ACSM1: variants seen among roughly 807,000 people sequenced by gnomAD.
ACSM1 encodes acyl-coenzyme A synthetase ACSM1, mitochondrial.
ACSM1 carries 79 observed loss-of-function variants against 75.8 expected under a neutral mutation model. The ratio of observed to expected loss-of-function variants is 1.04; its 90% CI spans 0.87 to 1.26. The LOEUF is 1.26. Ranked by LOEUF, ACSM1 falls within the 50% of genes most tolerant of loss-of-function variation. ACSM1 has a pLI of 0.00. For missense variants in ACSM1, 676 were observed against 720.1 expected (o/e 0.94, Z 0.70); for synonymous variants, 279 against 265.8 (o/e 1.05, Z -0.48).
chr16:20,687,271 G>A (rs1326583296), intron 2 of ACSM1, among the ~76,000 whole-genome samples: 1 of 152,064 alleles, frequency 6.6e-6, no homozygotes, highest in Non-Finnish European at 1.5e-5. Context: ...AGGCACGTAG[G>A]GGAAAGAGAA....
At position 20,627,871 on chromosome 16, in the gene ACSM1, T is replaced by TACATATATAC. The variant is rs1403635638; in HGVS notation, c.1300-556_1300-555insGTATATATGT. On this transcript the variant is annotated intron_variant, in intron 10 of 13. Coordinates refer to ENST00000520010, the MANE Select transcript of ACSM1 (RefSeq NM_001318890.3). ...CTCTCTCTCTCTCTGTATGTATACA[T>TACATATATAC]ATATATATATATATATATATATATA... 4.9e-3 allele frequency among the ~76,000 whole-genome samples: 54 copies of TACATATATAC among 11,004 alleles called. 1 individual carries two copies. The highest frequency in any genetic ancestry group is 5.9e-3 in the African/African-American group (33 of 5,600). The allele number at this position is 11,004 out of a possible 152,430, so 7.2% of individuals were successfully genotyped here.
chr16:20,641,484 G>T (rs1380417828), intron 7 of ACSM1, among the ~76,000 whole-genome samples: 2 of 152,152 alleles, frequency 1.3e-5, no homozygotes, highest in African/African-American at 2.4e-5. Context: ...TAGATTGATT[G>T]TATTCCCATT....
intron 2 of ACSM1, among the ~76,000 whole-genome samples, chr16:20,690,043 C>T (rs111266656): frequency 2.0e-5 from 3 of 152,334 alleles, no homozygotes; most frequent in African/African-American, 7.2e-5. Context: ...CATAACAATG[C>T]TCTCTGTAAC....
At chr16:20,634,547 A>G (rs2017539237) in intron 10 of ACSM1, among the ~76,000 whole-genome samples, 1 of 152,272 alleles carries the variant, frequency 6.6e-6, no homozygotes, top group Non-Finnish European at 1.5e-5. Context: ...ATGCTAAGAC[A>G]TAGATGAACC....
At chr16:20,678,107 C>T (rs1236831605) in intron 4 of ACSM1, among the ~76,000 whole-genome samples, 1 of 152,080 alleles carries the variant, frequency 6.6e-6, no homozygotes, top group African/African-American at 2.4e-5. Flanking sequence ...TATGCCTCTC[C>T]TCCCAGAGAT....
intron 11 of ACSM1, among the ~76,000 whole-genome samples, chr16:20,626,492 C>A (rs1404031931): frequency 6.6e-6 from 1 of 152,114 alleles, no homozygotes; most frequent in Non-Finnish European, 1.5e-5. Flanking sequence ...CAGAGCCAGA[C>A]TACCTCAGTT....
chr16:20,627,223 G>A lies in ACSM1; in HGVS notation c.1393C>T (p.Leu465=), dbSNP rs375443537. 2.0e-5 allele frequency: 31 copies of A among 1,575,360 alleles called. No homozygotes were observed. The African/African-American group carries it at 4.3e-4, about 22-fold the overall frequency. Residue 465 remains leucine, a synonymous_variant, in exon 11 of 14, where the codon CTG becomes TTG. Transcript: ENST00000520010. The part of the protein sequence containing the change: ...KMDEEGYICF[L]GRSDDIINAS... ...TTAATGATGTCATCACTCCTCCCCAGGAAACAAATGTAGCCCTCTTCATCC... is the reference window on the plus strand; with the variant it reads ...TTAATGATGTCATCACTCCTCCCCAAGAAACAAATGTAGCCCTCTTCATCC...
chr16:20,625,345 G>T, intron 12 of ACSM1, 78 bp downstream of exon 12: 1 of 1,429,644 alleles, frequency 7.0e-7, no homozygotes, highest in Non-Finnish European at 9.7e-7. Flanking sequence ...GGCTGCACAG[G>T]TAAAGCCTGG....
chr16:20,669,477 CA>C (rs1567291943), intron 6 of ACSM1, among the ~76,000 whole-genome samples: 31 of 151,310 alleles, frequency 2.0e-4, no homozygotes, highest in African/African-American at 7.5e-4. Flanking sequence ...CACACACACA[CA>C]CACACCCCAG....
chr16:20,654,171 A>G (rs1439733949), intron 7 of ACSM1, among the ~76,000 whole-genome samples: 1 of 152,244 alleles, frequency 6.6e-6, no homozygotes, highest in Non-Finnish European at 1.5e-5. Flanking sequence ...TCCCTGTTTA[A>G]TAAATGGCTC....
Position 20,636,809 on chromosome 16 carries a change from G to A in ACSM1, c.1229C>T (p.Pro410Leu), listed in dbSNP as rs781249020. Residue 410 changes from proline (P) to leucine (L), a missense_variant, in exon 10 of 14, where the codon CCT becomes CTT. Physicochemically the swap from Pro to Leu is moderately conservative, Grantham distance 98. Transcript: ENST00000520010. The stretch of plus-strand genomic sequence containing the variant: ...GATGCCAATGTTTCCTTCTGTGTTA[G>A]GTGGCAGGATGCTGCCCTTGTCATC... ...VIDDKGSILP[P>L]NTEGNIGIRI... 1.2e-6 allele frequency: 2 copies of A among 1,614,024 alleles called. No individual in the cohort carries two copies. Among genetic ancestry groups the A allele is most frequent in the Non-Finnish European group, 1.7e-6 (2 of 1,179,998 alleles).
At position 20,691,134 on chromosome 16, in the gene ACSM1, T is replaced by G. The variant is rs1229690875; in HGVS notation, c.55A>C (p.Asn19His). The G allele has an allele frequency of 1.2e-6, 2 of 1,612,894 alleles. No individual in the cohort carries two copies. The change falls in exon 2 of 14, where the codon AAC (asparagine) becomes CAC (histidine). Residue 19 changes from asparagine to histidine, a missense_variant. Transcript: ENST00000520010. ...AGCTGTGAAGGGGCAGGGTGGATGT[T>G]GTGGAAGGATTTGTGGATGCCCCAG... ...TLWGIHKSFH[N>H]IHPAPSQLRC...
Position 20,682,478 on chromosome 16 carries a change from G to A in ACSM1, c.404-15C>T, listed in dbSNP as rs1408007507. The A allele has an allele frequency of 1.0e-5, 16 of 1,607,604 alleles. No individual in the cohort carries two copies. Among genetic ancestry groups the A allele is most frequent in the Non-Finnish European group, 1.4e-5 (16 of 1,174,956 alleles). On this transcript the variant is annotated splice_polypyrimidine_tract_variant and intron_variant, in intron 3 of 13. Transcript: ENST00000520010. ...GAAGATGATCCCTGGGGATGAGAAA[G>A]GAACTGATTGTTTTGGTTTCTTTTT...
Position 20,691,011 on chromosome 16 carries a change from C to T in ACSM1, c.178G>A (p.Ala60Thr), listed in dbSNP as rs1482527607. Residue 60 changes from alanine to threonine, a missense_variant, in exon 2 of 14, where the codon GCT (alanine) becomes ACT (threonine). By Grantham distance (58) the Ala-to-Thr change is moderately conservative. Coordinates refer to ENST00000520010, the MANE Select transcript of ACSM1 (RefSeq NM_001318890.3). ...AGATCTCTTACCTTCTCCTTTTGAG[C>T]CCAGTAGTCCAGTACATAACTTGCA... ...NFASYVLDYWAQKEKEGKRGP... is the reference protein window; with the variant it reads ...NFASYVLDYWTQKEKEGKRGP... 2.5e-6 allele frequency: 4 copies of T among 1,609,492 alleles called. No homozygotes were observed. The highest frequency in any genetic ancestry group is 4.5e-5 in the East Asian group (2 of 44,568).
chr16:20,663,602 C>T (rs539143297), intron 6 of ACSM1, among the ~76,000 whole-genome samples: 2 of 152,236 alleles, frequency 1.3e-5, no homozygotes, highest in South Asian at 4.1e-4. Context: ...GGGGGAATGT[C>T]GCCCTGAAAT....
Position 20,696,634 on chromosome 16 carries a change from G to T in ACSM1, c.-52+1002C>A, listed in dbSNP as rs2079691473. The stretch of plus-strand genomic sequence containing the variant: ...AGCATATCATTAAAGCACATCCTAT[G>T]AAATCATTTTAAAGAACAATTTTCT... On this transcript the variant is annotated intron_variant, in intron 1 of 13. Coordinates refer to ENST00000520010, the MANE Select transcript of ACSM1 (RefSeq NM_001318890.3). Among the ~76,000 whole-genome samples, 4 of 152,310 alleles carry T rather than the reference G, an allele frequency of 2.6e-5. No individual in the cohort carries two copies. The South Asian group carries it at 6.2e-4, about 24-fold the overall frequency.
At chr16:20,637,568 C>A in intron 8 of ACSM1, 117 bp from the exon 9 acceptor site, 1 of 929,520 alleles carries the variant, frequency 1.1e-6, no homozygotes, top group Non-Finnish European at 1.7e-6. Flanking sequence ...TCAATGGATG[C>A]TGCCCAAAGA....
intron 7 of ACSM1, among the ~76,000 whole-genome samples, chr16:20,647,403 A>G (rs751949407): frequency 2.0e-4 from 31 of 152,212 alleles, no homozygotes; most frequent in Non-Finnish European, 3.5e-4. Flanking sequence ...CCTGAATACA[A>G]GAGACCCTAA....
Position 20,669,910 on chromosome 16 carries a change from A to T in ACSM1, c.829T>A (p.Trp277Arg), listed in dbSNP as rs1002938429. 6.2e-7 allele frequency: 1 copy of T among 1,613,846 alleles called. No homozygotes were observed. Among genetic ancestry groups the T allele is most frequent in the Admixed American group, 1.7e-5 (1 of 59,970 alleles). ...GCTGTCCATGGTTCTACCAGGGTCC[A>T]AATGGTAGCCACAATCCATCCTGAG... ...SDSGWIVATI[W>R]TLVEPWTAGC... is the part of the protein sequence containing the mutation. The change falls in exon 6 of 14, where the codon TGG becomes AGG. Residue 277 changes from tryptophan (W) to arginine (R), a missense_variant. Trp to Arg is a moderately radical substitution (Grantham distance 101). Coordinates refer to ENST00000520010, the MANE Select transcript of ACSM1 (RefSeq NM_001318890.3).
Sources: gnomAD v4.1 joint callset for allele counts (sites outside exome capture counted in the v4.1 genomes callset) on GRCh38, gnomAD v4.1.1 for gene constraint, MANE v1.5 for transcripts, NCBI Gene and HGNC (gene_info 2026-07-23, HGNC 2026-07-21) for gene names.